The following CSRNP1 variants were observed in gnomAD, a reference collection of about 807,000 sequenced individuals.
CSRNP1 encodes cysteine/serine-rich nuclear protein 1.
Under a neutral mutation model 25.0 loss-of-function variants are expected in CSRNP1, and 8 were observed. That is an observed-to-expected ratio of 0.32 (90% CI 0.19 to 0.58). CSRNP1 has a LOEUF of 0.58. Among genes scored for constraint, CSRNP1 ranks in the 20% least tolerant of loss-of-function variants. The pLI is 0.88. For missense variants in CSRNP1, 691 were observed against 773.1 expected, an observed-to-expected ratio of 0.89 and a Z score of 1.26; for synonymous variants, 305 against 303.1, an observed-to-expected ratio of 1.01 and a Z score of -0.06.
chr3:39,153,728 C>G (rs2039618777), upstream of CSRNP1: 1 of 151,754 alleles, frequency 6.6e-6, no homozygotes, highest in African/African-American at 2.4e-5. Context: ...CCTCCCCCGC[C>G]TGGAGCCTGG....
chr3:39,144,102 C>T (rs750534639), intron 4 of CSRNP1, 35 bp downstream of exon 4: 19 of 1,606,404 alleles, frequency 1.2e-5, no homozygotes, highest in East Asian at 6.7e-5. Flanking sequence ...GAAGTCCCCA[C>T]GCTCAGGATC....
Position 39,143,000 on chromosome 3 carries a change from A to C in CSRNP1, c.*55T>G, listed in dbSNP as rs2039434123. 1.3e-6 allele frequency: 2 copies of C among 1,517,170 alleles called. No homozygotes were observed. Among genetic ancestry groups the C allele is most frequent in the African/African-American group, 1.4e-5 (1 of 71,758 alleles). The allele number at this position is 1,517,170 out of a possible 1,614,324, so 94.0% of individuals were successfully genotyped here. On this transcript the variant is annotated 3_prime_UTR_variant, in exon 5 of 5. Transcript: ENST00000273153. Reference sequence around the variant, plus strand: ...TTACGCAGACTCTGGGGAGCCCCATAATTACAAGAAAGCAGCAACAGGTCT... The same window carrying C: ...TTACGCAGACTCTGGGGAGCCCCATCATTACAAGAAAGCAGCAACAGGTCT...
chr3:39,143,269 T>A lies in CSRNP1; in HGVS notation c.1556A>T (p.His519Leu). The A allele has an allele frequency of 6.2e-7, 1 of 1,614,134 alleles. No homozygotes were observed. Among genetic ancestry groups the A allele is most frequent in the South Asian group, 1.1e-5 (1 of 91,080 alleles). Residue 519 changes from histidine to leucine, a missense_variant, in exon 5 of 5, where the codon CAC (histidine) becomes CTC (leucine). By Grantham distance (99) the His-to-Leu change is moderately conservative (BLOSUM62 -3). Transcript: ENST00000273153. ...GTCAGACACCTTCTGTGATGTGTAGTGAGGCCCCAGACTATAATCTGGCAG... is the reference window on the plus strand; with the variant it reads ...GTCAGACACCTTCTGTGATGTGTAGAGAGGCCCCAGACTATAATCTGGCAG... ...QALPDYSLGP[H>L]YTSQKVSDSL... is the part of the protein sequence containing the mutation.
Position 39,142,985 on chromosome 3 carries a change from T to G in CSRNP1, c.*70A>C. On this transcript the variant is annotated 3_prime_UTR_variant, in exon 5 of 5. Transcript: ENST00000273153. The stretch of plus-strand genomic sequence containing the variant: ...GCCAGTGGGAGACTGTTACGCAGAC[T>G]CTGGGGAGCCCCATAATTACAAGAA... 6.6e-7 allele frequency: 1 copy of G among 1,507,994 alleles called. No homozygotes were observed. The highest frequency in any genetic ancestry group is 1.4e-5 in the African/African-American group (1 of 71,716). 93.4% of individuals were successfully genotyped at this position (1,507,994 alleles called of 1,614,324 possible).
chr3:39,146,528 T>A lies in CSRNP1; in HGVS notation c.155A>T (p.Asp52Val), dbSNP rs376945104. Residue 52 changes from aspartate to valine, a missense_variant, in exon 2 of 5, where the codon GAT becomes GTT. Coordinates refer to ENST00000273153, the MANE Select transcript of CSRNP1 (RefSeq NM_033027.4). ...AWDSEEEGPW[D>V]QMPLPDRDFC... ...GTCACGGTCAGGCAGGGGCATCTGA[T>A]CCCAGGGGCCTTCCTCCTCTGAGTC... is the stretch of plus-strand genomic sequence containing the variant. 201 of 1,551,316 alleles carry A rather than the reference T, an allele frequency of 1.3e-4. No individual in the cohort carries two copies. Among genetic ancestry groups the A allele is most frequent in the Admixed American group, 1.2e-3 (61 of 50,992 alleles).
intron 1 of CSRNP1, chr3:39,150,731 G>T (rs2039569253): frequency 6.6e-6 from 1 of 152,336 alleles, no homozygotes; most frequent in South Asian, 2.1e-4. Flanking sequence ...CTGCGGCTCT[G>T]CCTAAGGGAT....
intron 1 of CSRNP1, chr3:39,149,040 T>G (rs1279607801): frequency 6.6e-6 from 1 of 151,642 alleles, no homozygotes; most frequent in Non-Finnish European, 1.5e-5. Context: ...GGTTGGGGGG[T>G]TTAGAAGAAT....
In CSRNP1 at chr3:39,143,885, C is replaced by A. The variant is rs1430007644; in HGVS notation, c.940G>T (p.Ala314Ser). 2 of 1,614,162 alleles carry A rather than the reference C, an allele frequency of 1.2e-6. No homozygotes were observed. Among genetic ancestry groups the A allele is most frequent in the Non-Finnish European group, 8.5e-7 (1 of 1,180,008 alleles). The change falls in exon 5 of 5, where the codon GCC becomes TCC. Residue 314 changes from alanine (A) to serine (S), a missense_variant. Ala to Ser is a moderately conservative substitution (Grantham distance 99). Coordinates refer to ENST00000273153, the MANE Select transcript of CSRNP1 (RefSeq NM_033027.4). ...QEAESFRELE[A>S]PAQGSPPSPG... Reference sequence around the variant, plus strand: ...CTGGGTGGGCTGCCCTGGGCAGGGGCCTCCAGCTCCCTAAAGCTCTCAGCC... The same window carrying A: ...CTGGGTGGGCTGCCCTGGGCAGGGGACTCCAGCTCCCTAAAGCTCTCAGCC...
chr3:39,142,843 A>C lies in CSRNP1; in HGVS notation c.*212T>G. ...GGGTGTGGGGGGCCGGGCAGCTGAA[A>C]GGGGAAGCCCCCTCCCCCCAGTCCT... On this transcript the variant is annotated 3_prime_UTR_variant, in exon 5 of 5. Coordinates refer to ENST00000273153, the MANE Select transcript of CSRNP1 (RefSeq NM_033027.4). 1 of 481,216 alleles carries C rather than the reference A, an allele frequency of 2.1e-6. No individual in the cohort carries two copies. The highest frequency in any genetic ancestry group is 3.5e-6 in the Non-Finnish European group (1 of 283,038). 29.8% of individuals were successfully genotyped at this position (481,216 alleles called of 1,614,324 possible).
At position 39,142,831 on chromosome 3, in the gene CSRNP1, C is replaced by T. The variant is rs1033446678; in HGVS notation, c.*224G>A. On this transcript the variant is annotated 3_prime_UTR_variant, in exon 5 of 5. Transcript: ENST00000273153. ...AGAGCAAGCTGTGGGTGTGGGGGGCCGGGCAGCTGAAAGGGGAAGCCCCCT... is the reference window on the plus strand; with the variant it reads ...AGAGCAAGCTGTGGGTGTGGGGGGCTGGGCAGCTGAAAGGGGAAGCCCCCT... The T allele has an allele frequency of 2.9e-5, 13 of 442,524 alleles. No individual in the cohort carries two copies. Among genetic ancestry groups the T allele is most frequent in the South Asian group, 2.3e-4 (5 of 21,340 alleles). The allele number at this position is 442,524 out of a possible 1,614,324, so 27.4% of individuals were successfully genotyped here.
Position 39,142,912 on chromosome 3 carries a change from A to C in CSRNP1, c.*143T>G. 1 of 919,654 alleles carries C rather than the reference A, an allele frequency of 1.1e-6. No homozygotes were observed. The highest frequency in any genetic ancestry group is 1.7e-5 in the African/African-American group (1 of 60,508). The allele number at this position is 919,654 out of a possible 1,614,324, so 57.0% of individuals were successfully genotyped here. ...TTAAAACAAATAAATAAATCCAGAG[A>C]ATTGTTTGAAAACCAGGAGTGTGCA... is the stretch of plus-strand genomic sequence containing the variant. On this transcript the variant is annotated 3_prime_UTR_variant, in exon 5 of 5. Coordinates refer to ENST00000273153, the MANE Select transcript of CSRNP1 (RefSeq NM_033027.4).
At chr3:39,146,233 G>A (rs767136200) in intron 2 of CSRNP1, among the ~76,000 whole-genome samples, 16 of 152,186 alleles carry the variant, frequency 1.1e-4, no homozygotes, top group Non-Finnish European at 1.8e-4. Context: ...AGACCGGGAA[G>A]GCCCTGAGAG....
chr3:39,147,337 C>T (rs920782659), intron 1 of CSRNP1, among the ~76,000 whole-genome samples: 2 of 152,148 alleles, frequency 1.3e-5, no homozygotes, highest in African/African-American at 4.8e-5. Flanking sequence ...CAAACAGGCA[C>T]GCCACTCTGC....
At position 39,144,202 on chromosome 3, in the gene CSRNP1, A is replaced by G; in HGVS notation, c.715T>C (p.Cys239Arg). Residue 239 changes from cysteine to arginine, a missense_variant, in exon 4 of 5, where the codon TGT becomes CGT. Transcript: ENST00000273153. ...GGGTCGCAGATCCTATCGCAGTGAC[A>G]GCCACAATCCTCCCGGGATTGGCGC... is the stretch of plus-strand genomic sequence containing the variant. ...ALRQSREDCGCHCDRICDPET... is the reference protein window; with the variant it reads ...ALRQSREDCGRHCDRICDPET... The G allele has an allele frequency of 6.2e-7, 1 of 1,614,164 alleles. No individual in the cohort carries two copies. Among genetic ancestry groups the G allele is most frequent in the Non-Finnish European group, 8.5e-7 (1 of 1,180,026 alleles).
Position 39,151,735 on chromosome 3 carries a change from C to G in CSRNP1, c.-41+1703G>C, listed in dbSNP as rs113078580. The stretch of plus-strand genomic sequence containing the variant: ...CCTCTAGCCCCCACTGAAAAACCAG[C>G]CTGGGTGGCCCTGAGAGGGCAGACC... On this transcript the variant is annotated intron_variant, in intron 1 of 4. Coordinates refer to ENST00000273153, the MANE Select transcript of CSRNP1 (RefSeq NM_033027.4). 976 of 152,480 alleles carry G rather than the reference C, an allele frequency of 6.4e-3. 3 individuals carry two copies. The highest frequency in any genetic ancestry group is 9.0e-3 in the African/African-American group (376 of 41,584). 9.4% of individuals were successfully genotyped at this position (152,480 alleles called of 1,614,324 possible).
chr3:39,143,124 TA>T lies in CSRNP1; in HGVS notation c.1700del (p.Leu567GlnfsTer17). 6.2e-7 allele frequency: 1 copy of T among 1,613,866 alleles called. No homozygotes were observed. Among genetic ancestry groups the T allele is most frequent in the Non-Finnish European group, 8.5e-7 (1 of 1,179,788 alleles). On this transcript the variant is annotated frameshift_variant, in exon 5 of 5. Transcript: ENST00000273153. LOFTEE classifies it low-confidence loss of function (END_TRUNC). Reference protein sequence around the residue: ...MGFSEPAAEALDPFIDSQFED... With the variant: ...MGFSEPAAEAXDPFIDSQFED... ...CAAACTGGCTGTCAATAAAGGGATCTAGGGCTTCGGCGGCTGGCTCGGAGAA... is the reference window on the plus strand; with the variant it reads ...CAAACTGGCTGTCAATAAAGGGATCTGGGCTTCGGCGGCTGGCTCGGAGAA...
chr3:39,145,973 G>A (rs1391518385), intron 2 of CSRNP1, among the ~76,000 whole-genome samples: 1 of 152,120 alleles, frequency 6.6e-6, no homozygotes, highest in Non-Finnish European at 1.5e-5. Flanking sequence ...TGAAAAATAA[G>A]GTCCAGAAAC....
At chr3:39,147,479 C>T (rs2039531984) in intron 1 of CSRNP1, among the ~76,000 whole-genome samples, 1 of 152,092 alleles carries the variant, frequency 6.6e-6, no homozygotes, top group Non-Finnish European at 1.5e-5. Context: ...GGGAGCTTCT[C>T]AGACTTTCCC....
In CSRNP1 at chr3:39,143,246, C is replaced by CA; in HGVS notation, c.1578dup (p.Asp527Ter). 1.2e-6 allele frequency: 2 copies of CA among 1,614,210 alleles called. No individual in the cohort carries two copies. Among genetic ancestry groups the CA allele is most frequent in the South Asian group, 2.2e-5 (2 of 91,084 alleles). On this transcript the variant is annotated frameshift_variant, in exon 5 of 5. Transcript: ENST00000273153. LOFTEE classifies it low-confidence loss of function (END_TRUNC). ...GGTGCCTCGATGTTGTCCAGGCTGT[C>CA]AGACACCTTCTGTGATGTGTAGTGA...
Sources: gnomAD v4.1 joint callset for allele counts (sites outside exome capture counted in the v4.1 genomes callset) on GRCh38, gnomAD v4.1.1 for gene constraint, MANE v1.5 for transcripts, NCBI Gene and HGNC (gene_info 2026-07-23, HGNC 2026-07-21) for gene names.